Variants in CA4 observed in about 807,000 individuals in gnomAD.
The protein encoded by CA4 is CA-IV.
Under a neutral mutation model 34.5 loss-of-function variants are expected in CA4, and 24 were observed. The observed-to-expected ratio is 0.70, with a 90% confidence interval of 0.50 to 0.98. The LOEUF (loss-of-function observed/expected upper bound fraction) is 0.98, where lower values mean the gene tolerates loss of function less well. Ranked by LOEUF, CA4 falls within the 50% of genes least tolerant of loss-of-function variation. CA4 has a pLI of 0.00. For synonymous variants in CA4, 178 were observed against 170.6 expected, an observed-to-expected ratio of 1.04 and a Z score of -0.34; for missense variants, 394 against 396.7, an observed-to-expected ratio of 0.99 and a Z score of 0.06.
In CA4 at chr17:60,155,385, A is replaced by T. The variant is rs1272268784; in HGVS notation, c.112+18A>T. 1 of 1,595,978 alleles carries T rather than the reference A, an allele frequency of 6.3e-7. No individual in the cohort carries two copies. The highest frequency in any genetic ancestry group is 1.7e-5 in the Admixed American group (1 of 57,934). ...CTGCTTGGGTGAGTACAGCCAGTCCAGGGGACTGCTCTTTGTGCATGGTGG... is the reference window on the plus strand; with the variant it reads ...CTGCTTGGGTGAGTACAGCCAGTCCTGGGGACTGCTCTTTGTGCATGGTGG... On this transcript the variant is annotated intron_variant, in intron 2 of 7. Transcript: ENST00000300900.
At chr17:60,163,060 T>C (rs2083811247), downstream of CA4, among the ~76,000 whole-genome samples, 1 of 151,756 alleles carries the variant, frequency 6.6e-6, no homozygotes, top group South Asian at 2.1e-4. Context: ...AGATGGTTCT[T>C]GGAAAATAAA....
At chr17:60,159,579 C>G (rs932231078), downstream of CA4, 42 of 830,030 alleles carry the variant, frequency 5.1e-5, no homozygotes, top group Non-Finnish European at 7.0e-5. Context: ...CCTTCCACAA[C>G]TACCCCACCC....
rs144467811 is a variant in CA4, at chr17:60,158,383, G to A, written c.681G>A (p.Pro227=). The change falls in exon 7 of 8, where the codon CCG becomes CCA. Residue 227 remains proline (P), a synonymous_variant. Coordinates refer to ENST00000300900, the MANE Select transcript of CA4 (RefSeq NM_000717.5). ...YFRYLGSLTT[P]TCDEKVVWTV... is the part of the protein sequence containing the mutation. ...GCTACCTGGGCTCACTCACCACACC[G>A]ACCTGCGATGAGAAGGTCGTCTGGA... 4.7e-5 allele frequency: 76 copies of A among 1,614,016 alleles called. No homozygotes were observed. In the African/African-American group the frequency reaches 7.6e-4, roughly 16 times the overall value.
intron 7 of CA4, chr17:60,158,876 G>A (rs1318753929): frequency 7.0e-6 from 3 of 427,448 alleles, no homozygotes; most frequent in Non-Finnish European, 1.3e-5. Flanking sequence ...GGAACTCTGG[G>A]GGTGGAGCCC....
chr17:60,174,317 A>C (rs972779926), downstream of CA4, among the ~76,000 whole-genome samples: 8 of 152,102 alleles, frequency 5.3e-5, no homozygotes, highest in African/African-American at 1.9e-4. Flanking sequence ...TGGGCAGCAC[A>C]ATGTTCAAAG....
At chr17:60,175,175 A>AC (rs1296490024), downstream of CA4, among the ~76,000 whole-genome samples, 1 of 126,984 alleles carries the variant, frequency 7.9e-6, no homozygotes, top group Non-Finnish European at 1.6e-5. Flanking sequence ...GGCATGGGCC[A>AC]CCACACCCAG....
intron 5 of CA4, among the ~76,000 whole-genome samples, chr17:60,169,322 C>G (rs1219890150): frequency 6.6e-6 from 1 of 151,654 alleles, no homozygotes; most frequent in Admixed American, 6.6e-5. Flanking sequence ...GATACTACTG[C>G]TTGGAATTTG....
intron 5 of CA4, among the ~76,000 whole-genome samples, chr17:60,165,295 C>G (rs977452376): frequency 6.6e-6 from 1 of 152,188 alleles, no homozygotes; most frequent in Admixed American, 6.5e-5. Flanking sequence ...CCTCAGCACT[C>G]TGTCCCAACC....
chr17:60,157,453 A>G lies in CA4; in HGVS notation c.295A>G (p.Ser99Gly). Reference protein sequence around the residue: ...SVMMLLENKASISGGGLPAPY... With the variant: ...SVMMLLENKAGISGGGLPAPY... ...GATGATGTTGCTGGAGAACAAGGCCAGCATTTCTGGAGGAGGACTGCCTGC... is the reference window on the plus strand; with the variant it reads ...GATGATGTTGCTGGAGAACAAGGCCGGCATTTCTGGAGGAGGACTGCCTGC... Residue 99 changes from serine (S) to glycine (G), a missense_variant, in exon 4 of 8, where the codon AGC (serine) becomes GGC (glycine). Coordinates refer to ENST00000300900, the MANE Select transcript of CA4 (RefSeq NM_000717.5). 5 of 1,614,198 alleles carry G rather than the reference A, an allele frequency of 3.1e-6. No individual in the cohort carries two copies. The highest frequency in any genetic ancestry group is 3.4e-6 in the Non-Finnish European group (4 of 1,180,014).
downstream of CA4, among the ~76,000 whole-genome samples, chr17:60,161,250 C>T (rs2145288999): frequency 6.6e-6 from 1 of 152,076 alleles, no homozygotes; most frequent in African/African-American, 2.4e-5. Flanking sequence ...GGGTCCAGGA[C>T]ACCAGAATGA....
At chr17:60,169,173 G>A (rs543750150) in intron 5 of CA4, among the ~76,000 whole-genome samples, 38 of 151,646 alleles carry the variant, frequency 2.5e-4, no homozygotes, top group Middle Eastern at 3.4e-3. Flanking sequence ...CTTGAGCCTG[G>A]GAGGCGGAGG....
chr17:60,157,623 T>G, intron 4 of CA4, 51 bp downstream of exon 4: 1 of 1,614,020 alleles, frequency 6.2e-7, no homozygotes, highest in Non-Finnish European at 8.5e-7. Flanking sequence ...GGCGCGCACC[T>G]GCCTTGGGCA....
downstream of CA4, chr17:60,159,607 C>CCCTGTTCCT (rs2083761998): frequency 4.4e-6 from 3 of 685,046 alleles, no homozygotes; most frequent in Admixed American, 4.9e-5. Flanking sequence ...CTCCACCCAC[C>CCCTGTTCCT]CCTGTTCCTC....
intron 5 of CA4, among the ~76,000 whole-genome samples, chr17:60,168,125 C>T (rs1003253923): frequency 6.6e-6 from 1 of 151,144 alleles, no homozygotes; most frequent in African/African-American, 2.4e-5. Context: ...GTGGCAACCA[C>T]TCAGCCTCTG....
At chr17:60,160,616 T>C (rs2083775804), downstream of CA4, among the ~76,000 whole-genome samples, 1 of 151,938 alleles carries the variant, frequency 6.6e-6, no homozygotes, top group Non-Finnish European at 1.5e-5. Context: ...ATACAAAAAT[T>C]AGCTGGGCAT....
At chr17:60,170,027 CAG>C (rs1196111348) in intron 5 of CA4, among the ~76,000 whole-genome samples, 3 of 152,180 alleles carry the variant, frequency 2.0e-5, no homozygotes, top group Non-Finnish European at 4.4e-5. Context: ...TGGAACGCTG[CAG>C]AGTCAGGGTT....
chr17:60,157,878 G>C, intron 5 of CA4, 90 bp downstream of exon 5: 2 of 1,508,038 alleles, frequency 1.3e-6, no homozygotes, highest in Middle Eastern at 1.7e-4. Flanking sequence ...CGAGGCAGGA[G>C]GGGGCGGGGA....
chr17:60,160,374 C>T (rs1334202432), downstream of CA4, among the ~76,000 whole-genome samples: 1 of 152,194 alleles, frequency 6.6e-6, no homozygotes, highest in Non-Finnish European at 1.5e-5. Context: ...TGCCTGCCCT[C>T]CTGGAGTTCA....
intron 1 of CA4, 35 bp downstream of exon 1, chr17:60,150,127 G>C: frequency 1.3e-6 from 2 of 1,562,592 alleles, no homozygotes; most frequent in South Asian, 1.1e-5. Flanking sequence ...GGTGCCCCTC[G>C]GCGGTCCCCT....
Sources: allele counts gnomAD v4.1 joint callset (sites outside exome capture counted in the v4.1 genomes callset), GRCh38; gene constraint gnomAD v4.1.1; transcripts MANE v1.5; gene names NCBI Gene and HGNC (gene_info 2026-07-23, HGNC 2026-07-21).